The following DNAJC11 variants were observed in gnomAD, a reference collection of about 807,000 sequenced individuals.
The protein encoded by DNAJC11 is DnaJ heat shock protein family (Hsp40) member C11.
In DNAJC11, 15 loss-of-function variants were observed where a neutral mutation model predicts 78.6. That is an observed-to-expected ratio of 0.19 (90% CI 0.13 to 0.29). The LOEUF is 0.29. Ranked by LOEUF, DNAJC11 falls within the 10% of genes least tolerant of loss-of-function variation. DNAJC11 has a pLI of 1.00. For missense variants in DNAJC11, 547 were observed against 709.6 expected (o/e 0.77, Z 2.60); for synonymous variants, 292 against 272.1 (o/e 1.07, Z -0.72).
At chr1:6,652,802 C>T in intron 6 of DNAJC11, 27 bp downstream of exon 6, 2 of 1,613,916 alleles carry the variant, frequency 1.2e-6, no homozygotes, top group South Asian at 2.2e-5. Context: ...GCACAGACAA[C>T]ACAACTCAGC....
intron 1 of DNAJC11, among the ~76,000 whole-genome samples, chr1:6,685,295 CCA>C (rs1347068683): frequency 3.9e-5 from 6 of 152,186 alleles, no homozygotes; most frequent in African/African-American, 1.4e-4. Context: ...CTTCAGGGAT[CCA>C]CAAAGTCAAA....
chr1:6,678,165 T>C (rs1013818807), intron 3 of DNAJC11, among the ~76,000 whole-genome samples: 1 of 152,142 alleles, frequency 6.6e-6, no homozygotes, highest in African/African-American at 2.4e-5. Context: ...CTTGACAGGT[T>C]AGGGAACGAA....
In DNAJC11 at chr1:6,699,120, A is replaced by G. The variant is rs536310739; in HGVS notation, c.72+2609T>C. On this transcript the variant is annotated intron_variant, in intron 1 of 15. Transcript: ENST00000377577. Reference sequence around the variant, plus strand: ...CAGGAGACCAACCTGGGCAACACAGAGAGACCCTGTCTCTACAAAAGATAC... The same window carrying G: ...CAGGAGACCAACCTGGGCAACACAGGGAGACCCTGTCTCTACAAAAGATAC... Among the ~76,000 whole-genome samples, 70 of 151,018 alleles carry G rather than the reference A, an allele frequency of 4.6e-4. 1 individual carries two copies. Among genetic ancestry groups the G allele is most frequent in the South Asian group, 1.9e-3 (9 of 4,780 alleles).
In DNAJC11 at chr1:6,637,741, C is replaced by T. The variant is rs141303407; in HGVS notation, c.1324-237G>A. Reference sequence around the variant, plus strand: ...AAGCACCTGAAACGGCATGACCCTCCGGTGGCCACCGGTGGGAGCTCCCTT... The same window carrying T: ...AAGCACCTGAAACGGCATGACCCTCTGGTGGCCACCGGTGGGAGCTCCCTT... On this transcript the variant is annotated intron_variant, in intron 12 of 15. Coordinates refer to ENST00000377577, the MANE Select transcript of DNAJC11 (RefSeq NM_018198.4). The T allele has an allele frequency of 9.7e-4, 567 of 581,782 alleles. 9 individuals carry two copies. In the East Asian group the frequency reaches 0.015, roughly 15 times the overall value. 36.0% of individuals were successfully genotyped at this position (581,782 alleles called of 1,614,324 possible).
At chr1:6,667,666 C>G (rs545338651) in intron 4 of DNAJC11, 43 bp downstream of exon 4, 10 of 1,516,784 alleles carry the variant, frequency 6.6e-6, no homozygotes, top group African/African-American at 1.4e-5. Flanking sequence ...AGTTATGAGG[C>G]CTTTTCATGA....
chr1:6,635,150 A>G lies in DNAJC11; in HGVS notation c.*525T>C, dbSNP rs1641737388. 1 of 170,600 alleles carries G rather than the reference A, an allele frequency of 5.9e-6. No individual in the cohort carries two copies. Among genetic ancestry groups the G allele is most frequent in the Admixed American group, 5.5e-5 (1 of 18,112 alleles). 10.6% of individuals were successfully genotyped at this position (170,600 alleles called of 1,614,324 possible). On this transcript the variant is annotated 3_prime_UTR_variant, in exon 16 of 16. Transcript: ENST00000377577. ...TAAAAAGCAGTTTTATAAACCCGCAATCTGCTCCAGATTCAAGCAGTAATA... is the reference window on the plus strand; with the variant it reads ...TAAAAAGCAGTTTTATAAACCCGCAGTCTGCTCCAGATTCAAGCAGTAATA...
At chr1:6,660,704 T>A (rs560700918) in intron 4 of DNAJC11, among the ~76,000 whole-genome samples, 1 of 152,192 alleles carries the variant, frequency 6.6e-6, no homozygotes, top group Admixed American at 6.5e-5. Context: ...TTTTCCCTGA[T>A]TCCCCCCTTT....
chr1:6,635,599 G>A lies in DNAJC11; in HGVS notation c.*76C>T. 1 of 1,492,624 alleles carries A rather than the reference G, an allele frequency of 6.7e-7. No individual in the cohort carries two copies. The highest frequency in any genetic ancestry group is 9.3e-7 in the Non-Finnish European group (1 of 1,079,248). 92.5% of individuals were successfully genotyped at this position (1,492,624 alleles called of 1,614,324 possible). A position where few individuals can be genotyped will look rare whatever the true frequency, so the allele number is the denominator to read the frequency against. On this transcript the variant is annotated 3_prime_UTR_variant, in exon 16 of 16. Transcript: ENST00000377577. ...TAAAATAAAAACATCTGATGTCTGGGTTTTTTCATTTCCAAATTTGTAGAC... is the reference window on the plus strand; with the variant it reads ...TAAAATAAAAACATCTGATGTCTGGATTTTTTCATTTCCAAATTTGTAGAC...
In DNAJC11 at chr1:6,684,452, A is replaced by G. The variant is rs558703111; in HGVS notation, c.73-3415T>C. Among the ~76,000 whole-genome samples, 5 of 152,368 alleles carry G rather than the reference A, an allele frequency of 3.3e-5. No individual in the cohort carries two copies. The South Asian group carries it at 1.0e-3, about 32-fold the overall frequency. ...CTCATAAAGTTACAAGTACTGGATT[A>G]GACAGATTGACTGACTCTCAGTTAG... On this transcript the variant is annotated intron_variant, in intron 1 of 15. Coordinates refer to ENST00000377577, the MANE Select transcript of DNAJC11 (RefSeq NM_018198.4).
At chr1:6,643,488 G>T (rs543169205) in intron 10 of DNAJC11, among the ~76,000 whole-genome samples, 5 of 151,980 alleles carry the variant, frequency 3.3e-5, no homozygotes, top group Admixed American at 1.3e-4. Context: ...TGTTAGCCAG[G>T]ATGGTCTCAA....
intron 4 of DNAJC11, among the ~76,000 whole-genome samples, chr1:6,661,966 C>T (rs1642219670): frequency 1.3e-5 from 2 of 152,126 alleles, no homozygotes; most frequent in South Asian, 2.1e-4. Flanking sequence ...GGGTCTCTCT[C>T]TGTCACCCAG....
At chr1:6,689,495 T>G in intron 1 of DNAJC11, among the ~76,000 whole-genome samples, 1 of 151,874 alleles carries the variant, frequency 6.6e-6, no homozygotes, top group African/African-American at 2.4e-5. Context: ...AGATGAAGGG[T>G]TGAAGCAAGA....
At chr1:6,695,173 T>A (rs914532480) in intron 1 of DNAJC11, among the ~76,000 whole-genome samples, 28 of 149,024 alleles carry the variant, frequency 1.9e-4, no homozygotes, top group South Asian at 6.4e-4. Context: ...TTTTTTTTTT[T>A]AATTAAAGAT....
chr1:6,646,666 T>C (rs1290577264), intron 7 of DNAJC11, among the ~76,000 whole-genome samples: 2 of 152,192 alleles, frequency 1.3e-5, no homozygotes, highest in Non-Finnish European at 1.5e-5. Context: ...AAAGAGCCTC[T>C]GCAGTTTCTT....
rs905406688 is a variant in DNAJC11 at position 6,678,614 on chromosome 1, T to G, written c.203-147A>C. On this transcript the variant is annotated intron_variant, in intron 2 of 15. Coordinates refer to ENST00000377577, the MANE Select transcript of DNAJC11 (RefSeq NM_018198.4). ...AGAGACCCCTTTCATTTTCTACACA[T>G]CTTTCCTCCCAACTGCTTTTTCGAT... is the stretch of plus-strand genomic sequence containing the variant. The G allele has an allele frequency of 6.0e-6, 4 of 669,622 alleles. No homozygotes were observed. The African/African-American group carries it at 7.3e-5, about 12-fold the overall frequency. The allele number at this position is 669,622 out of a possible 1,614,324, so 41.5% of individuals were successfully genotyped here.
intron 3 of DNAJC11, among the ~76,000 whole-genome samples, chr1:6,677,769 G>T (rs1371596796): frequency 6.6e-6 from 1 of 152,304 alleles, no homozygotes; most frequent in East Asian, 1.9e-4. Flanking sequence ...AAATTGTCTG[G>T]ATTTTAGTGA....
intron 4 of DNAJC11, 127 bp from the exon 5 acceptor site, chr1:6,654,166 G>C: frequency 8.6e-7 from 1 of 1,169,262 alleles, no homozygotes; most frequent in Non-Finnish European, 1.2e-6. Flanking sequence ...ACTGGGTTTA[G>C]GTAGGACACT....
chr1:6,651,751 T>A, intron 6 of DNAJC11, 149 bp from the exon 7 acceptor site: 2 of 647,652 alleles, frequency 3.1e-6, no homozygotes, highest in Non-Finnish European at 2.7e-6. Flanking sequence ...AGATTGTTAA[T>A]GTCTCATCTT....
chr1:6,699,713 C>T (rs1463607322), intron 1 of DNAJC11, among the ~76,000 whole-genome samples: 1 of 152,000 alleles, frequency 6.6e-6, no homozygotes, highest in Non-Finnish European at 1.5e-5. Context: ...TGTAACAAAC[C>T]TGCACGTTCT....
Sources: gnomAD v4.1 joint callset for allele counts (sites outside exome capture counted in the v4.1 genomes callset) on GRCh38, gnomAD v4.1.1 for gene constraint, MANE v1.5 for transcripts, NCBI Gene and HGNC (gene_info 2026-07-23, HGNC 2026-07-21) for gene names.